Variants in UST observed in about 807,000 individuals in gnomAD.
The protein encoded by UST is chondroitin sulfate 2-O-sulfotransferase.
UST carries 21 observed loss-of-function variants against 45.6 expected under a neutral mutation model. That is an observed-to-expected ratio of 0.46 (90% CI 0.33 to 0.66). The LOEUF (loss-of-function observed/expected upper bound fraction) is 0.66. Ranked by LOEUF, UST falls within the 30% of genes least tolerant of loss-of-function variation. UST has a pLI of 0.02. For synonymous variants in UST, 215 were observed against 200.6 expected (o/e 1.07, Z -0.61); for missense variants, 463 against 512.4 (o/e 0.90, Z 0.93).
At chr6:149,030,750 ATGTGTTATCTTAAGCCAG>A (rs1032318971) in intron 7 of UST, among the ~76,000 whole-genome samples, 2 of 151,310 alleles carry the variant, frequency 1.3e-5, no homozygotes, top group African/African-American at 2.4e-5. Flanking sequence ...CACACACAAG[ATGTGTTATCTTAAGCCAG>A]TGTGTTATCT....
At position 148,950,794 on chromosome 6, in the gene UST, G is replaced by A. The variant is rs574951111; in HGVS notation, c.448-3078G>A. Reference sequence around the variant, plus strand: ...TCACTTATCTACCATCTACCTCATGGTGGTTATCACATGATTGTACCTGCC... The same window carrying A: ...TCACTTATCTACCATCTACCTCATGATGGTTATCACATGATTGTACCTGCC... On this transcript the variant is annotated intron_variant, in intron 3 of 7. Coordinates refer to ENST00000367463, the MANE Select transcript of UST (RefSeq NM_005715.3). Among the ~76,000 whole-genome samples the A allele has an allele frequency of 4.6e-5, 7 of 152,258 alleles. No individual in the cohort carries two copies. The East Asian group carries it at 1.4e-3, about 29-fold the overall frequency.
At chr6:148,791,250 C>A (rs1490470889) in intron 1 of UST, among the ~76,000 whole-genome samples, 1 of 152,086 alleles carries the variant, frequency 6.6e-6, no homozygotes, top group Non-Finnish European at 1.5e-5. Flanking sequence ...AATTATCTGG[C>A]CCCAAATGTC....
intron 7 of UST, among the ~76,000 whole-genome samples, chr6:149,049,212 G>A (rs1242998949): frequency 6.6e-6 from 1 of 152,060 alleles, no homozygotes; most frequent in East Asian, 1.9e-4. Context: ...CTATTATAAG[G>A]ATGTTCCTCA....
intron 1 of UST, among the ~76,000 whole-genome samples, chr6:148,764,175 A>C (rs950274648): frequency 9.2e-5 from 14 of 152,050 alleles, no homozygotes; most frequent in African/African-American, 3.4e-4. Flanking sequence ...TTTTTTAATC[A>C]ATGTTTTATA....
At chr6:148,771,322 A>G (rs6904988) in intron 1 of UST, among the ~76,000 whole-genome samples, 49,169 of 152,066 alleles carry the variant, frequency 0.32, 8,066 homozygotes, top group African/African-American at 0.35. Flanking sequence ...CTCTGCTTCC[A>G]TTTTACCTAA....
At chr6:148,859,974 C>T (rs1482106791) in intron 1 of UST, among the ~76,000 whole-genome samples, 2 of 152,150 alleles carry the variant, frequency 1.3e-5, no homozygotes, top group African/African-American at 4.8e-5. Flanking sequence ...CTTGGCAATG[C>T]AGGCTCTTTT....
chr6:149,067,316 A>G (rs1329774319), intron 7 of UST, among the ~76,000 whole-genome samples: 2 of 152,268 alleles, frequency 1.3e-5, no homozygotes, highest in East Asian at 1.9e-4. Context: ...TCCAATTTCT[A>G]GGTAGATAAG....
In UST at chr6:149,019,237, G is replaced by A. The variant is rs1437573135; in HGVS notation, c.779+1G>A. ...TTTGTGGACAGCATCCCAGATGCAG[G>A]TAAGGGCTAAAGCAGGGTCATGGCA... On this transcript the variant is annotated splice_donor_variant, in intron 6 of 7. Coordinates refer to ENST00000367463, the MANE Select transcript of UST (RefSeq NM_005715.3). LOFTEE classifies it high-confidence loss of function. 3 of 1,612,960 alleles carry A rather than the reference G, an allele frequency of 1.9e-6. No homozygotes were observed. The highest frequency in any genetic ancestry group is 2.5e-6 in the Non-Finnish European group (3 of 1,179,014).
chr6:148,793,428 G>A (rs1776889889), intron 1 of UST, among the ~76,000 whole-genome samples: 2 of 152,140 alleles, frequency 1.3e-5, no homozygotes, highest in Admixed American at 1.3e-4. Flanking sequence ...CAGGTCCCCA[G>A]AAACCCCCCT....
At chr6:149,047,543 C>T (rs868009426) in intron 7 of UST, among the ~76,000 whole-genome samples, 1 of 152,110 alleles carries the variant, frequency 6.6e-6, no homozygotes, top group African/African-American at 2.4e-5. Context: ...TGTGTTCTCC[C>T]ACCCCTTGGC....
Position 148,909,107 on chromosome 6 carries a change from C to T in UST, c.291+22078C>T, listed in dbSNP as rs578181755. Among the ~76,000 whole-genome samples, 9 of 150,266 alleles carry T rather than the reference C, an allele frequency of 6.0e-5. 1 individual carries two copies. In the South Asian group the frequency reaches 1.9e-3, roughly 32 times the overall value. On this transcript the variant is annotated intron_variant, in intron 2 of 7. Coordinates refer to ENST00000367463, the MANE Select transcript of UST (RefSeq NM_005715.3). The stretch of plus-strand genomic sequence containing the variant: ...TTGTTTTGTATTATGCTACATTTCA[C>T]TTTTTATTGGAAATAATATTTATCT...
At chr6:148,998,814 C>T (rs1196093799) in intron 5 of UST, among the ~76,000 whole-genome samples, 1 of 152,252 alleles carries the variant, frequency 6.6e-6, no homozygotes, top group Non-Finnish European at 1.5e-5. Flanking sequence ...GAGGCTGCTG[C>T]CATGTATGTG....
chr6:148,895,955 C>T (rs1024472219), intron 2 of UST, among the ~76,000 whole-genome samples: 7 of 152,210 alleles, frequency 4.6e-5, no homozygotes, highest in African/African-American at 1.7e-4. Context: ...GACACATTGA[C>T]AGAAAGAGGT....
intron 7 of UST, among the ~76,000 whole-genome samples, chr6:149,030,074 A>C (rs551371780): frequency 2.0e-5 from 3 of 152,184 alleles, no homozygotes; most frequent in African/African-American, 7.2e-5. Flanking sequence ...ATCTCATTTG[A>C]TTCTTACACA....
intron 1 of UST, among the ~76,000 whole-genome samples, chr6:148,841,228 GA>G (rs1207956994): frequency 3.6e-4 from 54 of 152,070 alleles, no homozygotes; most frequent in Non-Finnish European, 2.9e-5. Flanking sequence ...ACATAAAAAT[GA>G]TGATAGAAAA....
intron 1 of UST, among the ~76,000 whole-genome samples, chr6:148,760,546 A>G (rs553606516): frequency 6.6e-6 from 1 of 152,230 alleles, no homozygotes; most frequent in South Asian, 2.1e-4. Context: ...TATTATGTCT[A>G]CCCTGCTCTG....
chr6:149,043,518 C>A (rs973743529), intron 7 of UST, among the ~76,000 whole-genome samples: 9 of 152,260 alleles, frequency 5.9e-5, no homozygotes, highest in Admixed American at 5.9e-4. Context: ...AGTGAGCATT[C>A]CAGTCTGTGT....
chr6:148,878,827 ATG>A (rs1778772276), intron 1 of UST, among the ~76,000 whole-genome samples: 1 of 151,072 alleles, frequency 6.6e-6, no homozygotes, highest in African/African-American at 2.4e-5. Flanking sequence ...TGTGGGGATT[ATG>A]TATGAGTATG....
intron 7 of UST, among the ~76,000 whole-genome samples, chr6:149,052,455 G>C (rs75207401): frequency 0.016 from 2,507 of 152,258 alleles, 44 homozygotes; most frequent in African/African-American, 0.048. Flanking sequence ...CCATTGTACA[G>C]ATAAGGAAAC....
Sources: allele counts gnomAD v4.1 joint callset (sites outside exome capture counted in the v4.1 genomes callset), GRCh38; gene constraint gnomAD v4.1.1; transcripts MANE v1.5; gene names NCBI Gene and HGNC (gene_info 2026-07-23, HGNC 2026-07-21).